PRDM5: variants seen among roughly 807,000 people sequenced by gnomAD.
The protein encoded by PRDM5 is PR domain zinc finger protein 5.
A neutral mutation model predicts 81.2 loss-of-function variants in PRDM5; 56 were observed. The observed-to-expected ratio is 0.69, with a 90% CI of 0.56 to 0.86. PRDM5 has a LOEUF of 0.86. PRDM5 is among the 40% of genes least tolerant of loss of function. The pLI, the probability that PRDM5 is intolerant of heterozygous loss-of-function variation, is 0.00. For missense variants in PRDM5, 697 were observed against 770.1 expected (o/e 0.91, Z 1.12); for synonymous variants, 267 against 256.4 (o/e 1.04, Z -0.39).
chr4:120,703,181 T>G (rs1689701007), intron 15 of PRDM5, among the ~76,000 whole-genome samples: 1 of 152,142 alleles, frequency 6.6e-6, no homozygotes, highest in African/African-American at 2.4e-5. Flanking sequence ...TTTTGTTTTT[T>G]GTTTTGTTTT....
At chr4:120,877,796 C>T (rs948444674) in intron 2 of PRDM5, among the ~76,000 whole-genome samples, 5 of 152,140 alleles carry the variant, frequency 3.3e-5, no homozygotes, top group African/African-American at 1.2e-4. Context: ...CAAAGCAAGA[C>T]TCCGTCTCAA....
At chr4:120,912,612 T>G (rs1196207619) in intron 1 of PRDM5, among the ~76,000 whole-genome samples, 1 of 152,160 alleles carries the variant, frequency 6.6e-6, no homozygotes, top group African/African-American at 2.4e-5. Context: ...TTTAGGCAAT[T>G]GGAGTAATTT....
At chr4:120,912,180 A>C (rs1030936504) in intron 1 of PRDM5, among the ~76,000 whole-genome samples, 1 of 152,200 alleles carries the variant, frequency 6.6e-6, no homozygotes, top group African/African-American at 2.4e-5. Context: ...TAGCAGTATC[A>C]GCTCACAGAT....
At chr4:120,786,278 G>A (rs1044602115) in intron 10 of PRDM5, among the ~76,000 whole-genome samples, 2 of 152,062 alleles carry the variant, frequency 1.3e-5, no homozygotes, top group African/African-American at 2.4e-5. Flanking sequence ...ATTTGTGAAA[G>A]ATATAGAGAA....
At chr4:120,759,917 T>C (rs1745348116) in intron 13 of PRDM5, among the ~76,000 whole-genome samples, 1 of 152,232 alleles carries the variant, frequency 6.6e-6, no homozygotes, top group Non-Finnish European at 1.5e-5. Context: ...GTATAGAGTC[T>C]ACTATAAGGT....
intron 2 of PRDM5, among the ~76,000 whole-genome samples, chr4:120,868,324 C>G (rs1227687551): frequency 6.6e-6 from 1 of 152,170 alleles, no homozygotes; most frequent in Non-Finnish European, 1.5e-5. Context: ...ATTCCATAAT[C>G]AAGCACATTC....
chr4:120,746,616 G>A (rs1298041137), intron 14 of PRDM5, among the ~76,000 whole-genome samples: 1 of 140,796 alleles, frequency 7.1e-6, no homozygotes, highest in Non-Finnish European at 1.6e-5. Context: ...ATCAAAAAGT[G>A]GGCGAAGGAC....
In PRDM5 at chr4:120,722,578, C is replaced by G. The variant is rs190874481; in HGVS notation, c.1624-12165G>C. Reference sequence around the variant, plus strand: ...CTTCAAAAAATGCTGATGCCTACCCCCAGAGATTGTGATTTCATGGTCTGA... The same window carrying G: ...CTTCAAAAAATGCTGATGCCTACCCGCAGAGATTGTGATTTCATGGTCTGA... On this transcript the variant is annotated intron_variant, in intron 14 of 15. Transcript: ENST00000264808. 2.9e-4 allele frequency among the ~76,000 whole-genome samples: 44 copies of G among 152,184 alleles called. No homozygotes were observed. In the East Asian group the frequency reaches 5.4e-3, roughly 19 times the overall value.
At chr4:120,903,763 A>G (rs1765459277) in intron 2 of PRDM5, among the ~76,000 whole-genome samples, 1 of 152,176 alleles carries the variant, frequency 6.6e-6, no homozygotes, top group African/African-American at 2.4e-5. Flanking sequence ...ACAAGGTCTG[A>G]TGGTTTTATA....
intron 2 of PRDM5, among the ~76,000 whole-genome samples, chr4:120,899,977 C>G (rs1765060768): frequency 6.6e-6 from 1 of 151,974 alleles, no homozygotes. Context: ...AGGTGAACAG[C>G]CAGATGGGAG....
chr4:120,917,574 G>A (rs966071890), intron 1 of PRDM5, among the ~76,000 whole-genome samples: 3 of 151,756 alleles, frequency 2.0e-5, no homozygotes, highest in African/African-American at 7.3e-5. Flanking sequence ...GAATAGTACA[G>A]GTCTTGGCAT....
At chr4:120,739,508 A>G (rs1440203359) in intron 14 of PRDM5, among the ~76,000 whole-genome samples, 1 of 152,212 alleles carries the variant, frequency 6.6e-6, no homozygotes, top group African/African-American at 2.4e-5. Context: ...GAAAAATCAC[A>G]GCCAATGCCT....
intron 14 of PRDM5, among the ~76,000 whole-genome samples, chr4:120,740,725 T>A (rs1189868460): frequency 6.6e-6 from 1 of 152,152 alleles, no homozygotes; most frequent in Non-Finnish European, 1.5e-5. Context: ...TGAATGGGCC[T>A]CCCTGACTCA....
chr4:120,858,030 G>T (rs983041418), intron 2 of PRDM5, among the ~76,000 whole-genome samples: 15 of 151,992 alleles, frequency 9.9e-5, no homozygotes, highest in Non-Finnish European at 4.4e-5. Flanking sequence ...TTTAATGTAT[G>T]GTAAAATGTA....
intron 3 of PRDM5, among the ~76,000 whole-genome samples, chr4:120,846,337 G>A (rs868248249): frequency 3.3e-5 from 5 of 152,278 alleles, no homozygotes; most frequent in African/African-American, 4.8e-5. Context: ...AAACTTCATT[G>A]TTGTCTTATT....
At chr4:120,684,414 A>G (rs117059948), downstream of PRDM5, among the ~76,000 whole-genome samples, 250 of 152,140 alleles carry the variant, frequency 1.6e-3, 6 homozygotes, top group East Asian at 0.034. Flanking sequence ...AAGAAAACAA[A>G]TCCACTTCTC....
At chr4:120,849,852 G>A (rs916505618) in intron 3 of PRDM5, among the ~76,000 whole-genome samples, 4 of 152,068 alleles carry the variant, frequency 2.6e-5, no homozygotes, top group African/African-American at 9.6e-5. Flanking sequence ...GGATATTTTA[G>A]TTCATTTTAA....
chr4:120,710,240 TACACACACACAC>T, intron 15 of PRDM5, 57 bp downstream of exon 15: 1 of 1,026,292 alleles, frequency 9.7e-7, no homozygotes. Context: ...CACACACACA[TACACACACACAC>T]ACACCCCTAC....
intron 2 of PRDM5, among the ~76,000 whole-genome samples, chr4:120,861,167 A>G (rs557048950): frequency 1.3e-5 from 2 of 152,114 alleles, no homozygotes; most frequent in East Asian, 1.9e-4. Context: ...ACCACTTCAC[A>G]TGGCTAATTT....
Sources: allele counts gnomAD v4.1 joint callset (sites outside exome capture counted in the v4.1 genomes callset), GRCh38; gene constraint gnomAD v4.1.1; transcripts MANE v1.5; gene names NCBI Gene and HGNC (gene_info 2026-07-23, HGNC 2026-07-21).